Variants in SPATA31D3 observed in about 807,000 individuals in gnomAD.
The protein encoded by SPATA31D3 is SPATA31 subfamily D member 3.
For synonymous variants in SPATA31D3, 27 were observed against 107.8 expected (o/e 0.25, Z 4.65); for missense variants, 91 against 297.9 (o/e 0.31, Z 5.11).
rs528748289 is a variant in SPATA31D3 at position 81,949,726 on chromosome 9, T to C, written c.*1719T>C. ...CTCCTGCAAAGTGACATGTACCAAA[T>C]CTTGCAGCCAACAAGCTATCTTTGT... On this transcript the variant is annotated 3_prime_UTR_variant, in exon 4 of 4. Coordinates refer to ENST00000445385, the MANE Select transcript of SPATA31D3 (RefSeq NM_207416.3). 177 of 1,409,254 alleles carry C rather than the reference T, an allele frequency of 1.3e-4. No individual in the cohort carries two copies. The highest frequency in any genetic ancestry group is 1.6e-4 in the Non-Finnish European group (159 of 998,706). The allele number at this position is 1,409,254 out of a possible 1,614,324, so 87.3% of individuals were successfully genotyped here.
At position 81,949,646 on chromosome 9, in the gene SPATA31D3, A is replaced by G; in HGVS notation, c.*1639A>G. On this transcript the variant is annotated 3_prime_UTR_variant, in exon 4 of 4. Coordinates refer to ENST00000445385, the MANE Select transcript of SPATA31D3 (RefSeq NM_207416.3). Reference sequence around the variant, plus strand: ...CTTGGGAAATCTCAGAATGTGCCAGAACTGCAGGTCAGAGCAGAGCCTGTC... The same window carrying G: ...CTTGGGAAATCTCAGAATGTGCCAGGACTGCAGGTCAGAGCAGAGCCTGTC... 2.1e-6 allele frequency: 2 copies of G among 934,726 alleles called. No homozygotes were observed. Among genetic ancestry groups the G allele is most frequent in the East Asian group, 2.5e-5 (1 of 40,594 alleles). 57.9% of individuals were successfully genotyped at this position (934,726 alleles called of 1,614,324 possible).
chr9:81,949,323 C>G lies in SPATA31D3; in HGVS notation c.*1316C>G, dbSNP rs561778160. On this transcript the variant is annotated 3_prime_UTR_variant, in exon 4 of 4. Transcript: ENST00000445385. ...CGCTTGGGAGCAAATCTTCCCCAAC[C>G]TTGAAAACACAGCCTCCTCCTGAAA... 1.1e-5 allele frequency: 4 copies of G among 375,126 alleles called. No individual in the cohort carries two copies. Among genetic ancestry groups the G allele is most frequent in the Admixed American group, 3.7e-5 (1 of 26,754 alleles). 23.2% of individuals were successfully genotyped at this position (375,126 alleles called of 1,614,324 possible).
rs1823986076 is a variant in SPATA31D3 at position 81,949,603 on chromosome 9, C to T, written c.*1596C>T. The T allele has an allele frequency of 1.4e-6, 1 of 694,288 alleles. No individual in the cohort carries two copies. The highest frequency in any genetic ancestry group is 2.6e-6 in the Non-Finnish European group (1 of 381,198). 43.0% of individuals were successfully genotyped at this position (694,288 alleles called of 1,614,324 possible). A position where few individuals can be genotyped will look rare whatever the true frequency, so the allele number is the denominator to read the frequency against. On this transcript the variant is annotated 3_prime_UTR_variant, in exon 4 of 4. Transcript: ENST00000445385. Reference sequence around the variant, plus strand: ...AGATATCACCTGTCCCCAGGAGCCCCTTTCCTCCCCAGTGCAGCTTGGGAA... The same window carrying T: ...AGATATCACCTGTCCCCAGGAGCCCTTTTCCTCCCCAGTGCAGCTTGGGAA...
In SPATA31D3 at chr9:81,949,342, C is replaced by T. The variant is rs967979099; in HGVS notation, c.*1335C>T. Reference sequence around the variant, plus strand: ...CCCAACCTTGAAAACACAGCCTCCTCCTGAAAACCTTTTCGGAACATTGAT... The same window carrying T: ...CCCAACCTTGAAAACACAGCCTCCTTCTGAAAACCTTTTCGGAACATTGAT... On this transcript the variant is annotated 3_prime_UTR_variant, in exon 4 of 4. Coordinates refer to ENST00000445385, the MANE Select transcript of SPATA31D3 (RefSeq NM_207416.3). 7.4e-5 allele frequency: 27 copies of T among 362,530 alleles called. No homozygotes were observed. Among genetic ancestry groups the T allele is most frequent in the East Asian group, 3.1e-4 (5 of 16,384 alleles). The allele number at this position is 362,530 out of a possible 1,614,324, so 22.5% of individuals were successfully genotyped here.
chr9:81,947,900 G>A lies in SPATA31D3; in HGVS notation c.2647G>A (p.Val883Ile), dbSNP rs747460705. 74 of 1,612,002 alleles carry A rather than the reference G, an allele frequency of 4.6e-5. 1 individual carries two copies. The highest frequency in any genetic ancestry group is 4.5e-5 in the Non-Finnish European group (53 of 1,179,450). ...AGCATTGGTGAGTGAGGACCACCGC[G>A]TTGATACCTCCCAGGAGATGTCCTT... ...LAALVSEDHR[V>I]DTSQEMSFLS... is the part of the protein sequence containing the mutation. Residue 883 changes from valine to isoleucine, a missense_variant, in exon 4 of 4, where the codon GTT becomes ATT. Coordinates refer to ENST00000445385, the MANE Select transcript of SPATA31D3 (RefSeq NM_207416.3).
rs768915200 is a variant in SPATA31D3, at chr9:81,947,907, C to A, written c.2654C>A (p.Thr885Asn). The A allele has an allele frequency of 1.9e-5, 31 of 1,611,890 alleles. No individual in the cohort carries two copies. Among genetic ancestry groups the A allele is most frequent in the Non-Finnish European group, 2.6e-5 (31 of 1,179,314 alleles). ...ALVSEDHRVD[T>N]SQEMSFLSSN... ...GTGAGTGAGGACCACCGCGTTGATA[C>A]CTCCCAGGAGATGTCCTTCCTTAGT... The change falls in exon 4 of 4, where the codon ACC (threonine) becomes AAC (asparagine). Residue 885 changes from threonine (T) to asparagine (N), a missense_variant. Physicochemically the swap from Thr to Asn is moderately conservative, Grantham distance 65. Coordinates refer to ENST00000445385, the MANE Select transcript of SPATA31D3 (RefSeq NM_207416.3).
chr9:81,947,592 A>G lies in SPATA31D3; in HGVS notation c.2339A>G (p.Asn780Ser), dbSNP rs779844922. 3 of 1,569,084 alleles carry G rather than the reference A, an allele frequency of 1.9e-6. 1 individual carries two copies. The South Asian group carries it at 3.4e-5, about 18-fold the overall frequency. ...TGCAGCCAGGAGACTGCCCCAAAAA[A>G]CCATCTCTTGCATGATCCGGAGACA... ...QGCSQETAPKNHLLHDPETSS... is the reference protein window; with the variant it reads ...QGCSQETAPKSHLLHDPETSS... The change falls in exon 4 of 4, where the codon AAC becomes AGC. Residue 780 changes from asparagine to serine, a missense_variant. Coordinates refer to ENST00000445385, the MANE Select transcript of SPATA31D3 (RefSeq NM_207416.3).
Position 81,949,586 on chromosome 9 carries a change from C to A in SPATA31D3, c.*1579C>A, listed in dbSNP as rs773448576. Reference sequence around the variant, plus strand: ...GGGCATAGACATTGAATAGATATCACCTGTCCCCAGGAGCCCCTTTCCTCC... The same window carrying A: ...GGGCATAGACATTGAATAGATATCAACTGTCCCCAGGAGCCCCTTTCCTCC... On this transcript the variant is annotated 3_prime_UTR_variant, in exon 4 of 4. Transcript: ENST00000445385. 1.6e-6 allele frequency: 1 copy of A among 645,038 alleles called. No individual in the cohort carries two copies. Among genetic ancestry groups the A allele is most frequent in the African/African-American group, 1.8e-5 (1 of 55,230 alleles). 40.0% of individuals were successfully genotyped at this position (645,038 alleles called of 1,614,324 possible). A position where few individuals can be genotyped will look rare whatever the true frequency, so the allele number is the denominator to read the frequency against.
chr9:81,949,848 C>T lies in SPATA31D3; in HGVS notation c.*1841C>T, dbSNP rs766037479. On this transcript the variant is annotated 3_prime_UTR_variant, in exon 4 of 4. Transcript: ENST00000445385. ...TAAGGGGAAGATATTGTGTCAAAGG[C>T]ATCCCCAATCCATGCCCCACAGGAA... The T allele has an allele frequency of 3.1e-6, 3 of 959,768 alleles. No individual in the cohort carries two copies. The highest frequency in any genetic ancestry group is 4.9e-6 in the Non-Finnish European group (3 of 612,958). The allele number at this position is 959,768 out of a possible 1,614,324, so 59.5% of individuals were successfully genotyped here. A position where few individuals can be genotyped will look rare whatever the true frequency, so the allele number is the denominator to read the frequency against.
Position 81,949,351 on chromosome 9 carries a change from C to A in SPATA31D3, c.*1344C>A. ...GAAAACACAGCCTCCTCCTGAAAAC[C>A]TTTTCGGAACATTGATGAAGACCTT... On this transcript the variant is annotated 3_prime_UTR_variant, in exon 4 of 4. Coordinates refer to ENST00000445385, the MANE Select transcript of SPATA31D3 (RefSeq NM_207416.3). The A allele has an allele frequency of 2.8e-6, 1 of 357,476 alleles. No homozygotes were observed. The highest frequency in any genetic ancestry group is 3.7e-5 in the South Asian group (1 of 27,054). The allele number at this position is 357,476 out of a possible 1,614,324, so 22.1% of individuals were successfully genotyped here.
rs1270218073 is a variant in SPATA31D3 at position 81,948,061 on chromosome 9, T to G, written c.*54T>G. 3 of 1,593,056 alleles carry G rather than the reference T, an allele frequency of 1.9e-6. No homozygotes were observed. The highest frequency in any genetic ancestry group is 4.5e-5 in the East Asian group (2 of 44,122). ...CCGTGAACCCACAGAAATCTTCAAA[T>G]CAGAAGAGGATATTTCCAATTCCTT... On this transcript the variant is annotated 3_prime_UTR_variant, in exon 4 of 4. Transcript: ENST00000445385.
rs541084844 is a variant in SPATA31D3, at chr9:81,949,593, C to T, written c.*1586C>T. 3.0e-6 allele frequency: 2 copies of T among 659,998 alleles called. No homozygotes were observed. Among genetic ancestry groups the T allele is most frequent in the Admixed American group, 2.2e-5 (1 of 45,680 alleles). The allele number at this position is 659,998 out of a possible 1,614,324, so 40.9% of individuals were successfully genotyped here. ...GACATTGAATAGATATCACCTGTCC[C>T]CAGGAGCCCCTTTCCTCCCCAGTGC... On this transcript the variant is annotated 3_prime_UTR_variant, in exon 4 of 4. Coordinates refer to ENST00000445385, the MANE Select transcript of SPATA31D3 (RefSeq NM_207416.3).
rs1823994787 is a variant in SPATA31D3 at position 81,949,746 on chromosome 9, C to T, written c.*1739C>T. The T allele has an allele frequency of 2.1e-6, 3 of 1,406,896 alleles. No individual in the cohort carries two copies. The highest frequency in any genetic ancestry group is 1.7e-5 in the Admixed American group (1 of 59,174). 87.2% of individuals were successfully genotyped at this position (1,406,896 alleles called of 1,614,324 possible). A position where few individuals can be genotyped will look rare whatever the true frequency, so the allele number is the denominator to read the frequency against. On this transcript the variant is annotated 3_prime_UTR_variant, in exon 4 of 4. Coordinates refer to ENST00000445385, the MANE Select transcript of SPATA31D3 (RefSeq NM_207416.3). ...CCAAATCTTGCAGCCAACAAGCTAT[C>T]TTTGTCGGCCAGAATTATCCTGCAA...
At position 81,945,827 on chromosome 9, in the gene SPATA31D3, C is replaced by T; in HGVS notation, c.574C>T (p.Pro192Ser). 1 of 14,432 alleles carries T rather than the reference C, an allele frequency of 6.9e-5. No individual in the cohort carries two copies. Among genetic ancestry groups the T allele is most frequent in the East Asian group, 7.7e-4 (1 of 1,306 alleles). The allele number at this position is 14,432 out of a possible 1,614,324, so 0.9% of individuals were successfully genotyped here. The change falls in exon 4 of 4, where the codon CCA becomes TCA. Residue 192 changes from proline (P) to serine (S), a missense_variant. Physicochemically the swap from Pro to Ser is moderately conservative, Grantham distance 74. Coordinates refer to ENST00000445385, the MANE Select transcript of SPATA31D3 (RefSeq NM_207416.3). The stretch of plus-strand genomic sequence containing the variant: ...GTCCTCTCGGCCTAAGCCCTCTCCA[C>T]CACCCCCCTTAATTCTCTCACCTGA... ...ILSSRPKPSPPPPLILSPDLI... is the reference protein window; with the variant it reads ...ILSSRPKPSPSPPLILSPDLI...
chr9:81,949,261 A>G lies in SPATA31D3; in HGVS notation c.*1254A>G, dbSNP rs898779193. On this transcript the variant is annotated 3_prime_UTR_variant, in exon 4 of 4. Transcript: ENST00000445385. ...GCTGGGGACATCCCAACTCAGAAGA[A>G]AGAGCCATGCTATTCATAACAAGAC... 2 of 380,396 alleles carry G rather than the reference A, an allele frequency of 5.3e-6. No individual in the cohort carries two copies. Among genetic ancestry groups the G allele is most frequent in the Non-Finnish European group, 5.0e-6 (1 of 198,824 alleles). The allele number at this position is 380,396 out of a possible 1,614,324, so 23.6% of individuals were successfully genotyped here.
Position 81,949,430 on chromosome 9 carries a change from A to T in SPATA31D3, c.*1423A>T. 2.7e-6 allele frequency: 1 copy of T among 372,476 alleles called. No individual in the cohort carries two copies. The highest frequency in any genetic ancestry group is 5.3e-6 in the Non-Finnish European group (1 of 189,814). 23.1% of individuals were successfully genotyped at this position (372,476 alleles called of 1,614,324 possible). ...ACATATGGAAAACAAGAAAGTTCCT[A>T]GGAAAAGGGTAGCTCCTTGTCATCA... On this transcript the variant is annotated 3_prime_UTR_variant, in exon 4 of 4. Coordinates refer to ENST00000445385, the MANE Select transcript of SPATA31D3 (RefSeq NM_207416.3).
Position 81,949,645 on chromosome 9 carries a change from G to T in SPATA31D3, c.*1638G>T, listed in dbSNP as rs1823987762. The T allele has an allele frequency of 1.1e-6, 1 of 929,060 alleles. No individual in the cohort carries two copies. Among genetic ancestry groups the T allele is most frequent in the East Asian group, 2.5e-5 (1 of 40,480 alleles). The allele number at this position is 929,060 out of a possible 1,614,324, so 57.6% of individuals were successfully genotyped here. A position where few individuals can be genotyped will look rare whatever the true frequency, so the allele number is the denominator to read the frequency against. On this transcript the variant is annotated 3_prime_UTR_variant, in exon 4 of 4. Transcript: ENST00000445385. ...GCTTGGGAAATCTCAGAATGTGCCA[G>T]AACTGCAGGTCAGAGCAGAGCCTGT...
In SPATA31D3 at chr9:81,947,741, C is replaced by G; in HGVS notation, c.2488C>G (p.His830Asp). ...ACAACTTGAAAATGCCCTGACAGTA[C>G]ATTTGAGCAAGAAATTTGAGGAAAT... is the stretch of plus-strand genomic sequence containing the variant. Reference protein sequence around the residue: ...QKQLENALTVHLSKKFEEINE... With the variant: ...QKQLENALTVDLSKKFEEINE... Residue 830 changes from histidine to aspartate, a missense_variant, in exon 4 of 4, where the codon CAT (histidine) becomes GAT (aspartate). By Grantham distance (81) the His-to-Asp change is moderately conservative. Coordinates refer to ENST00000445385, the MANE Select transcript of SPATA31D3 (RefSeq NM_207416.3). 6.2e-7 allele frequency: 1 copy of G among 1,601,012 alleles called. No homozygotes were observed. The highest frequency in any genetic ancestry group is 2.3e-5 in the East Asian group (1 of 43,746).
At position 81,949,955 on chromosome 9, in the gene SPATA31D3, G is replaced by T. The variant is rs1276389150; in HGVS notation, c.*1948G>T. 25 of 518,198 alleles carry T rather than the reference G, an allele frequency of 4.8e-5. No individual in the cohort carries two copies. The highest frequency in any genetic ancestry group is 7.1e-5 in the Non-Finnish European group (20 of 283,548). The allele number at this position is 518,198 out of a possible 1,614,324, so 32.1% of individuals were successfully genotyped here. On this transcript the variant is annotated 3_prime_UTR_variant, in exon 4 of 4. Transcript: ENST00000445385. ...CATCCTGACCAGTGCTAAAAACACT[G>T]TGTTCAGTGATGTGCCTTTACTAAC...
Sources: allele counts gnomAD v4.1 joint callset, GRCh38; gene constraint gnomAD v4.1.1; transcripts MANE v1.5; gene names NCBI Gene and HGNC (gene_info 2026-07-23, HGNC 2026-07-21).